Variants in ZNF469 observed in about 807,000 individuals in gnomAD.
ZNF469 encodes the protein zinc finger protein 469.
In ZNF469, 1 loss-of-function variant was observed where a neutral mutation model predicts 1.0. That is an observed-to-expected ratio of 1.00 (90% confidence interval 0.35 to 4.73). The LOEUF (loss-of-function observed/expected upper bound fraction) is 4.73, where lower values mean the gene tolerates loss of function less well. Ranked by LOEUF, ZNF469 falls within the 30% of genes most tolerant of loss-of-function variation. ZNF469 has a pLI of 0.16. For missense variants in ZNF469, 6,100 were observed against 5,356.3 expected (o/e 1.14, Z -4.33); for synonymous variants, 2,703 against 2,363.4 (o/e 1.14, Z -4.17).
chr16:88,250,717 C>T, the ZNF469 span, among the ~76,000 whole-genome samples: 1 of 152,010 alleles, frequency 6.6e-6, no homozygotes, highest in Admixed American at 6.6e-5. Flanking sequence ...CACTTATTTC[C>T]AGGTTCTCTG....
the ZNF469 span, chr16:88,192,180 A>T: frequency 6.6e-6 from 1 of 152,204 alleles, no homozygotes; most frequent in Non-Finnish European, 1.5e-5. Context: ...TATGAGAAAC[A>T]AATTCCTCTT....
chr16:88,372,230 T>C, the ZNF469 span, among the ~76,000 whole-genome samples: 11 of 150,228 alleles, frequency 7.3e-5, no homozygotes, highest in Non-Finnish European at 1.5e-4. Flanking sequence ...ACCACTATCA[T>C]CACCATCACC....
chr16:88,400,281 C>G (rs1405326147), intron 1 of ZNF469, among the ~76,000 whole-genome samples: 1 of 152,198 alleles, frequency 6.6e-6, no homozygotes, highest in East Asian at 1.9e-4. Flanking sequence ...GCCTCAGTGT[C>G]CTGTGGCCCC....
the ZNF469 span, among the ~76,000 whole-genome samples, chr16:88,294,499 C>A: frequency 1.3e-5 from 2 of 152,332 alleles, no homozygotes; most frequent in Admixed American, 1.3e-4. Flanking sequence ...CCTCTGGGCT[C>A]CCAGGCTACT....
upstream of ZNF469, among the ~76,000 whole-genome samples, chr16:88,381,212 A>T (rs569381821): frequency 8.8e-4 from 127 of 144,588 alleles, no homozygotes; most frequent in South Asian, 9.8e-3. Context: ...ACAGACACAC[A>T]CACAGACATG....
chr16:88,239,666 TGTATATATA>T, the ZNF469 span, among the ~76,000 whole-genome samples: 103 of 40,586 alleles, frequency 2.5e-3, 4 homozygotes, highest in Non-Finnish European at 3.4e-3. Context: ...TTTTTTTTTT[TGTATATATA>T]TATATATATA....
the ZNF469 span, among the ~76,000 whole-genome samples, chr16:88,208,549 GGGAA>G: frequency 2.9e-5 from 2 of 68,408 alleles, no homozygotes; most frequent in Admixed American, 1.7e-4. Context: ...GAAGGAAGGA[GGGAA>G]GGAGGGAGGG....
At chr16:88,129,908 G>A in the ZNF469 span, among the ~76,000 whole-genome samples, 1 of 152,232 alleles carries the variant, frequency 6.6e-6, no homozygotes, top group Non-Finnish European at 1.5e-5. Context: ...AGCCACCGAA[G>A]CCCCTCCGAG....
chr16:88,303,795 A>C, the ZNF469 span, among the ~76,000 whole-genome samples: 20 of 152,138 alleles, frequency 1.3e-4, no homozygotes, highest in Non-Finnish European at 2.8e-4. Flanking sequence ...CCTCATCTGG[A>C]GAGTGGGAAT....
chr16:88,234,063 T>G, the ZNF469 span, among the ~76,000 whole-genome samples: 1 of 152,344 alleles, frequency 6.6e-6, no homozygotes, highest in East Asian at 1.9e-4. Flanking sequence ...TTGTGTGGGC[T>G]GCAGGCGCTG....
chr16:88,144,172 G>T, the ZNF469 span, among the ~76,000 whole-genome samples: 3 of 152,214 alleles, frequency 2.0e-5, no homozygotes, highest in East Asian at 3.8e-4. Flanking sequence ...GCAGTGAGCA[G>T]CCGGTGGGAC....
At chr16:88,419,816 T>A (rs1905405200) in intron 1 of ZNF469, among the ~76,000 whole-genome samples, 1 of 152,204 alleles carries the variant, frequency 6.6e-6, no homozygotes, top group Non-Finnish European at 1.5e-5. Flanking sequence ...AGGCCCCATG[T>A]CCCCACTCTT....
chr16:88,208,321 C>G, the ZNF469 span, among the ~76,000 whole-genome samples: 2 of 150,788 alleles, frequency 1.3e-5, no homozygotes, highest in Non-Finnish European at 1.5e-5. Context: ...TGTCACGTGC[C>G]GCAATCTGGA....
At chr16:88,416,755 G>A (rs1356209035) in intron 1 of ZNF469, among the ~76,000 whole-genome samples, 4 of 152,164 alleles carry the variant, frequency 2.6e-5, no homozygotes, top group South Asian at 2.1e-4. Flanking sequence ...TCAAAACCCC[G>A]CAGGACCACG....
Position 88,438,046 on chromosome 16 carries a change from A to G in ZNF469, c.10576A>G (p.Thr3526Ala). 1.3e-6 allele frequency: 2 copies of G among 1,550,182 alleles called. No homozygotes were observed. Among genetic ancestry groups the G allele is most frequent in the South Asian group, 2.4e-5 (2 of 84,052 alleles). The change falls in exon 3 of 3, where the codon ACC (threonine) becomes GCC (alanine). Residue 3526 changes from threonine to alanine, a missense_variant. Coordinates refer to ENST00000565624, the MANE Select transcript of ZNF469 (RefSeq NM_001367624.2). The part of the protein sequence containing the change: ...APSTTKGWPE[T>A]LERPVDPVTH... ...CAGCACCACCAAGGGATGGCCCGAG[A>G]CCCTAGAGAGGCCTGTAGACCCCGT... is the stretch of plus-strand genomic sequence containing the variant.
At chr16:88,135,210 G>A in the ZNF469 span, among the ~76,000 whole-genome samples, 1 of 152,270 alleles carries the variant, frequency 6.6e-6, no homozygotes, top group Non-Finnish European at 1.5e-5. Flanking sequence ...TAAATCTTCA[G>A]TGTCCTCATT....
chr16:88,205,082 C>T, the ZNF469 span, among the ~76,000 whole-genome samples: 3 of 152,168 alleles, frequency 2.0e-5, no homozygotes, highest in Non-Finnish European at 4.4e-5. This position sits in a 1 kb window ranked among gnomAD's most constrained non-coding sequence, Gnocchi z 4.2. Flanking sequence ...TGTGAGGTGC[C>T]CCTACCAGCA....
chr16:88,412,153 G>A (rs1905189137), intron 1 of ZNF469, among the ~76,000 whole-genome samples: 1 of 152,050 alleles, frequency 6.6e-6, no homozygotes, highest in Non-Finnish European at 1.5e-5. Context: ...AGCCCACCAC[G>A]CCCCCTGTCC....
chr16:88,116,313 ATGT>A, the ZNF469 span, among the ~76,000 whole-genome samples: 2 of 152,182 alleles, frequency 1.3e-5, no homozygotes, highest in Admixed American at 6.5e-5. Flanking sequence ...AGAACCGGTG[ATGT>A]TGCGGTGTAG....
Sources: allele counts gnomAD v4.1 joint callset (sites outside exome capture counted in the v4.1 genomes callset), GRCh38; gene constraint gnomAD v4.1.1; non-coding constraint Gnocchi (gnomAD v3.1); transcripts MANE v1.5; gene names NCBI Gene and HGNC (gene_info 2026-07-23, HGNC 2026-07-21).